WDR18: variants seen among roughly 807,000 people sequenced by gnomAD.
WDR18 encodes WD repeat-containing protein 18.
A neutral mutation model predicts 49.6 loss-of-function variants in WDR18; 33 were observed. The observed-to-expected ratio is 0.67, with a 90% CI of 0.50 to 0.89. The LOEUF is 0.89. Among genes scored for constraint, WDR18 ranks in the 40% least tolerant of loss-of-function variants. The pLI is 0.00. For missense variants in WDR18, 653 were observed against 593.6 expected, an observed-to-expected ratio of 1.10 and a Z score of -1.04; for synonymous variants, 315 against 263.6, an observed-to-expected ratio of 1.19 and a Z score of -1.89.
intron 1 of WDR18, 124 bp from the exon 2 acceptor site, chr19:985,741 C>T (rs1369097779): frequency 4.8e-6 from 4 of 830,322 alleles, no homozygotes; most frequent in African/African-American, 1.7e-5. Flanking sequence ...CCACCCTGCT[C>T]CCGACTCCTC....
At chr19:993,273 C>G (rs530161824) in intron 8 of WDR18, among the ~76,000 whole-genome samples, 2 of 152,360 alleles carry the variant, frequency 1.3e-5, no homozygotes, top group Admixed American at 1.3e-4. Flanking sequence ...ACTGCCTCCT[C>G]CTAGGGCAGC....
At position 990,995 on chromosome 19, in the gene WDR18, G is replaced by C. The variant is rs771387325; in HGVS notation, c.741G>C (p.Trp247Cys). ...TCTTCCAGGTCGACCTCTTCACCTGGGTGAGTGCCGCGGTCTGCGGGCTGC... is the reference window on the plus strand; with the variant it reads ...TCTTCCAGGTCGACCTCTTCACCTGCGTGAGTGCCGCGGTCTGCGGGCTGC... ...GSIFQVDLFT[W>C]PGQRERSFHP... Residue 247 changes from tryptophan (W) to cysteine (C), a missense_variant and splice_region_variant, in exon 5 of 10, where the codon TGG becomes TGC. Trp to Cys is a radical substitution (Grantham distance 215). Coordinates refer to ENST00000585809, the MANE Select transcript of WDR18 (RefSeq NM_024100.4). 8 of 1,606,890 alleles carry C rather than the reference G, an allele frequency of 5.0e-6. No individual in the cohort carries two copies. In the African/African-American group the frequency reaches 9.3e-5, roughly 19 times the overall value.
chr19:989,446 G>A (rs573646835), intron 2 of WDR18, among the ~76,000 whole-genome samples: 1 of 152,196 alleles, frequency 6.6e-6, no homozygotes, highest in Non-Finnish European at 1.5e-5. Flanking sequence ...CAGGACGCCT[G>A]GGGTCAGGCT....
rs763085221 is a variant in WDR18 at position 985,918 on chromosome 19, A to C, written c.264A>C (p.Ala88=). The change falls in exon 2 of 10, where the codon GCA becomes GCC. Residue 88 remains alanine, a synonymous_variant. Transcript: ENST00000585809. Reference sequence around the variant, plus strand: ...CCGGGCCTGTCACCTGTCTGACTGCATCACCCAATGGTCTCTACGTCCTGG... The same window carrying C: ...CCGGGCCTGTCACCTGTCTGACTGCCTCACCCAATGGTCTCTACGTCCTGG... ...MCPGPVTCLT[A]SPNGLYVLAG... is the part of the protein sequence containing the mutation. 2 of 1,613,812 alleles carry C rather than the reference A, an allele frequency of 1.2e-6. No individual in the cohort carries two copies. Among genetic ancestry groups the C allele is most frequent in the African/African-American group, 2.7e-5 (2 of 74,928 alleles).
upstream of WDR18, chr19:984,139 G>A (rs898500376): frequency 7.9e-6 from 4 of 508,436 alleles, no homozygotes; most frequent in Non-Finnish European, 1.3e-5. Flanking sequence ...CTTGGAAGAA[G>A]TCGCCTCCCC....
rs773182059 is a variant in WDR18, at chr19:984,456, C to A, written c.103C>A (p.Arg35Ser). ...LHSGANLLTY[R>S]GGQAGPRGLA... Reference sequence around the variant, plus strand: ...CTCGGGCGCCAACCTGCTCACCTACCGCGGCGGCCAGGCGGGACCCCGCGG... The same window carrying A: ...CTCGGGCGCCAACCTGCTCACCTACAGCGGCGGCCAGGCGGGACCCCGCGG... Residue 35 changes from arginine (R) to serine (S), a missense_variant, in exon 1 of 10, where the codon CGC (arginine) becomes AGC (serine). Coordinates refer to ENST00000585809, the MANE Select transcript of WDR18 (RefSeq NM_024100.4). The A allele has an allele frequency of 6.3e-7, 1 of 1,593,536 alleles. No individual in the cohort carries two copies. The highest frequency in any genetic ancestry group is 8.5e-7 in the Non-Finnish European group (1 of 1,171,810).
At chr19:988,385 C>T (rs2038498667) in intron 2 of WDR18, among the ~76,000 whole-genome samples, 1 of 152,202 alleles carries the variant, frequency 6.6e-6, no homozygotes, top group Non-Finnish European at 1.5e-5. Context: ...CACTGATGTT[C>T]TGAAGCTGCC....
chr19:990,082 G>A, intron 3 of WDR18, 141 bp from the exon 4 acceptor site: 1 of 1,381,210 alleles, frequency 7.2e-7, no homozygotes, highest in South Asian at 1.5e-5. Context: ...GGCCGTGGGG[G>A]CCCAGCCTTG....
chr19:990,821 G>A, intron 4 of WDR18, 31 bp from the exon 5 acceptor site: 1 of 1,568,052 alleles, frequency 6.4e-7, no homozygotes, highest in Non-Finnish European at 8.7e-7. Context: ...CCCCTGCCGG[G>A]CCGAGCCCCA....
At chr19:983,523 A>G (rs2038439518), upstream of WDR18, among the ~76,000 whole-genome samples, 1 of 150,738 alleles carries the variant, frequency 6.6e-6, no homozygotes, top group African/African-American at 2.4e-5. Flanking sequence ...CGGCCTCCCA[A>G]AGTGCTGGGA....
At chr19:992,269 T>G in intron 8 of WDR18, 148 bp downstream of exon 8, 1 of 1,025,610 alleles carries the variant, frequency 9.8e-7, no homozygotes. Flanking sequence ...AGTGGGATGG[T>G]GATGCTCGGT....
chr19:990,785 C>T (rs1194052721), intron 4 of WDR18, 67 bp from the exon 5 acceptor site: 1 of 1,527,962 alleles, frequency 6.5e-7, no homozygotes, highest in African/African-American at 1.4e-5. Context: ...CCCTGGTGCC[C>T]CTGTTCCCAT....
At chr19:992,207 G>T in intron 8 of WDR18, 86 bp downstream of exon 8, 1 of 1,370,536 alleles carries the variant, frequency 7.3e-7, no homozygotes, top group Middle Eastern at 2.7e-4. Flanking sequence ...CTTGGTCCTG[G>T]CGCCCGTGCG....
rs1322202593 is a variant in WDR18, at chr19:991,815, GGGCCTGGCTGGGGGCGT to G, written c.932-137_932-121del. The G allele has an allele frequency of 9.6e-6, 9 of 933,086 alleles. No individual in the cohort carries two copies. In the East Asian group the frequency reaches 2.2e-4, roughly 23 times the overall value. The allele number at this position is 933,086 out of a possible 1,614,324, so 57.8% of individuals were successfully genotyped here. On this transcript the variant is annotated intron_variant, in intron 7 of 9. Coordinates refer to ENST00000585809, the MANE Select transcript of WDR18 (RefSeq NM_024100.4). ...GGGGGCGTGGACTGGTCGTGGGGCG[GGGCCTGGCTGGGGGCGT>G]GGACTGGCTGTGGGGCGGGGACTGG...
In WDR18 at chr19:994,273, C is replaced by T. The variant is rs776312449; in HGVS notation, c.1228C>T (p.Arg410Cys). 16 of 1,609,596 alleles carry T rather than the reference C, an allele frequency of 9.9e-6. No individual in the cohort carries two copies. The highest frequency in any genetic ancestry group is 5.0e-5 in the Admixed American group (3 of 59,798). Reference protein sequence around the residue: ...VRVTELEDEVRNLRKINRDLF... With the variant: ...VRVTELEDEVCNLRKINRDLF... ...TGTGACGGAGCTGGAGGACGAGGTG[C>T]GCAACCTGCGCAAGATCAATCGGGA... Residue 410 changes from arginine (R) to cysteine (C), a missense_variant, in exon 10 of 10, where the codon CGC (arginine) becomes TGC (cysteine). Physicochemically the swap from Arg to Cys is radical, Grantham distance 180. Transcript: ENST00000585809.
intron 2 of WDR18, among the ~76,000 whole-genome samples, chr19:986,375 T>C (rs1410798951): frequency 6.7e-6 from 1 of 150,266 alleles, no homozygotes; most frequent in East Asian, 2.0e-4. Flanking sequence ...GTTCAAGCAA[T>C]CCTCCTGTCT....
rs374385418 is a variant in WDR18 at position 994,045 on chromosome 19, G to A, written c.1124G>A (p.Arg375His). 1.3e-5 allele frequency: 21 copies of A among 1,559,580 alleles called. No individual in the cohort carries two copies. The highest frequency in any genetic ancestry group is 1.1e-4 in the African/African-American group (8 of 73,534). The change falls in exon 9 of 10, where the codon CGC (arginine) becomes CAC (histidine). Residue 375 changes from arginine to histidine, a missense_variant. By Grantham distance (29) the Arg-to-His change is conservative. Coordinates refer to ENST00000585809, the MANE Select transcript of WDR18 (RefSeq NM_024100.4). ...GGCTCGGAGCCCAGCTACCTGGACC[G>A]CACGGAGCAGCTGCAGGCCGTCCTG... ...QQGSEPSYLD[R>H]TEQLQAVLCS...
intron 2 of WDR18, among the ~76,000 whole-genome samples, chr19:989,302 G>A (rs1036224812): frequency 1.3e-4 from 20 of 151,410 alleles, no homozygotes; most frequent in African/African-American, 4.9e-4. Flanking sequence ...AGATGGAGCT[G>A]CCTGGCTTCC....
In WDR18 at chr19:994,328, C is replaced by T. The variant is rs545042099; in HGVS notation, c.1283C>T (p.Thr428Met). 9 of 1,609,760 alleles carry T rather than the reference C, an allele frequency of 5.6e-6. No individual in the cohort carries two copies. Among genetic ancestry groups the T allele is most frequent in the African/African-American group, 2.7e-5 (2 of 75,020 alleles). ...DLFDFSTRFI[T>M]RPAK ...TTCGACTTCTCCACGCGCTTCATCA[C>T]GCGGCCGGCCAAGTGAGGCCCGGAG... The change falls in exon 10 of 10, where the codon ACG (threonine) becomes ATG (methionine). Residue 428 changes from threonine (T) to methionine (M), a missense_variant. Physicochemically the swap from Thr to Met is moderately conservative, Grantham distance 81. Coordinates refer to ENST00000585809, the MANE Select transcript of WDR18 (RefSeq NM_024100.4).
Sources: gnomAD v4.1 joint callset for allele counts (sites outside exome capture counted in the v4.1 genomes callset) on GRCh38, gnomAD v4.1.1 for gene constraint, MANE v1.5 for transcripts, NCBI Gene and HGNC (gene_info 2026-07-23, HGNC 2026-07-21) for gene names.